The following IKZF3 variants were observed in gnomAD, a reference collection of about 807,000 sequenced individuals.
IKZF3 encodes the protein IKAROS family zinc finger 3, also known as zinc finger protein Aiolos.
A neutral mutation model predicts 49.0 loss-of-function variants in IKZF3; 10 were observed. That is an observed-to-expected ratio of 0.20 (90% confidence interval 0.13 to 0.35). The LOEUF (loss-of-function observed/expected upper bound fraction) is 0.35. Ranked by LOEUF, IKZF3 falls within the 10% of genes least tolerant of loss-of-function variation. The probability of loss-of-function intolerance (pLI) is 1.00; values close to 1 mark genes in which losing one functional copy is unlikely to be tolerated. For missense variants in IKZF3, 498 were observed against 664.8 expected (o/e 0.75, Z 2.76); for synonymous variants, 209 against 228.2 (o/e 0.92, Z 0.76).
chr17:39,844,270 T>C (rs539602776), intron 1 of IKZF3, among the ~76,000 whole-genome samples: 1 of 152,310 alleles, frequency 6.6e-6, no homozygotes, highest in Non-Finnish European at 1.5e-5. Flanking sequence ...TGTTTATACA[T>C]ATCTGGGGCA....
At chr17:39,791,695 T>C in intron 4 of IKZF3, 112 bp from the exon 5 acceptor site, 1 of 1,051,932 alleles carries the variant, frequency 9.5e-7, no homozygotes, top group East Asian at 2.4e-5. Context: ...CTGTTCACAT[T>C]GGGATCAGTT....
At chr17:39,800,798 C>T (rs757041435) in intron 3 of IKZF3, among the ~76,000 whole-genome samples, 1 of 152,162 alleles carries the variant, frequency 6.6e-6, no homozygotes, top group African/African-American at 2.4e-5. Context: ...TTTGGTTTCA[C>T]CTGAGACACT....
intron 2 of IKZF3, 99 bp downstream of exon 2, chr17:39,831,999 C>T: frequency 1.2e-6 from 1 of 840,864 alleles, no homozygotes; most frequent in South Asian, 1.6e-5. Flanking sequence ...ACACACATTT[C>T]CATAGCATTT....
chr17:39,812,880 C>T (rs2061593589), intron 3 of IKZF3, among the ~76,000 whole-genome samples: 1 of 151,994 alleles, frequency 6.6e-6, no homozygotes, highest in African/African-American at 2.4e-5. Context: ...GGGCAAATCA[C>T]GAGGTCAGGA....
intron 1 of IKZF3, among the ~76,000 whole-genome samples, chr17:39,860,250 T>TAA (rs5820305): frequency 7.9e-5 from 11 of 138,566 alleles, no homozygotes; most frequent in South Asian, 4.5e-4. Context: ...AAAATAATAA[T>TAA]AAAAAAAAAA....
chr17:39,850,467 A>C lies in IKZF3; in HGVS notation c.7+13653T>G, dbSNP rs992396163. Among the ~76,000 whole-genome samples the C allele has an allele frequency of 2.9e-4, 39 of 133,814 alleles. No homozygotes were observed. In the East Asian group the frequency reaches 4.2e-3, roughly 14 times the overall value. The allele number at this position is 133,814 out of a possible 152,430, so 87.8% of individuals were successfully genotyped here. On this transcript the variant is annotated intron_variant, in intron 1 of 7. Coordinates refer to ENST00000346872, the MANE Select transcript of IKZF3 (RefSeq NM_012481.5). Reference sequence around the variant, plus strand: ...AGTATAAATATATAGCATATTATACATGTACATATAATATATAGCATATTA... The same window carrying C: ...AGTATAAATATATAGCATATTATACCTGTACATATAATATATAGCATATTA...
At chr17:39,770,993 A>G (rs2060425400) in intron 7 of IKZF3, among the ~76,000 whole-genome samples, 1 of 152,084 alleles carries the variant, frequency 6.6e-6, no homozygotes, top group African/African-American at 2.4e-5. Context: ...ATACCTTTTA[A>G]GGTATGAATT....
At chr17:39,816,809 G>C (rs2061687006) in intron 3 of IKZF3, among the ~76,000 whole-genome samples, 1 of 152,206 alleles carries the variant, frequency 6.6e-6, no homozygotes, top group African/African-American at 2.4e-5. Flanking sequence ...TGCCTCCCAG[G>C]CTCAGAAGAT....
chr17:39,828,227 C>A (rs111247722), intron 3 of IKZF3, among the ~76,000 whole-genome samples: 3,741 of 152,266 alleles, frequency 0.025, 57 homozygotes, highest in South Asian at 0.067. Context: ...GTGCCTTTAC[C>A]CCATCTGGCA....
chr17:39,765,285 T>C lies in IKZF3; in HGVS notation c.*505A>G, dbSNP rs1033148774. 2 of 152,616 alleles carry C rather than the reference T, an allele frequency of 1.3e-5. No homozygotes were observed. Among genetic ancestry groups the C allele is most frequent in the African/African-American group, 4.8e-5 (2 of 41,446 alleles). The allele number at this position is 152,616 out of a possible 1,614,324, so 9.5% of individuals were successfully genotyped here. ...TCGTAACAGATACTTATTTTATGGC[T>C]GTTCTTTTACTTACTCTTAGACTGT... is the stretch of plus-strand genomic sequence containing the variant. On this transcript the variant is annotated 3_prime_UTR_variant, in exon 8 of 8. Coordinates refer to ENST00000346872, the MANE Select transcript of IKZF3 (RefSeq NM_012481.5).
intron 1 of IKZF3, among the ~76,000 whole-genome samples, chr17:39,842,399 C>G (rs546685504): frequency 1.8e-4 from 27 of 152,156 alleles, no homozygotes; most frequent in Non-Finnish European, 3.5e-4. Flanking sequence ...CATGGTGGCG[C>G]ATGCCTGTAG....
chr17:39,831,115 C>T (rs1384734964), intron 2 of IKZF3, among the ~76,000 whole-genome samples: 1 of 152,172 alleles, frequency 6.6e-6, no homozygotes, highest in African/African-American at 2.4e-5. Context: ...GGTGCGGTGG[C>T]TCATGCCTGT....
At chr17:39,794,662 A>G (rs931440558) in intron 3 of IKZF3, among the ~76,000 whole-genome samples, 2 of 152,184 alleles carry the variant, frequency 1.3e-5, no homozygotes, top group African/African-American at 4.8e-5. Context: ...TAAGTCCAAC[A>G]TGTTTCAAAT....
At chr17:39,863,169 T>C (rs2063261736) in intron 1 of IKZF3, among the ~76,000 whole-genome samples, 1 of 152,058 alleles carries the variant, frequency 6.6e-6, no homozygotes, top group Non-Finnish European at 1.5e-5. Context: ...ATGTTAAAAA[T>C]GCAAAATTTT....
At chr17:39,829,944 T>G (rs2062065794) in intron 2 of IKZF3, among the ~76,000 whole-genome samples, 1 of 151,374 alleles carries the variant, frequency 6.6e-6, no homozygotes, top group South Asian at 2.1e-4. Flanking sequence ...AGAGTGAGAC[T>G]TCGTCTCAAA....
intron 1 of IKZF3, among the ~76,000 whole-genome samples, chr17:39,856,577 G>A (rs543216046): frequency 8.5e-4 from 130 of 152,116 alleles, no homozygotes; most frequent in Non-Finnish European, 1.6e-3. Flanking sequence ...ATGCCAAGGC[G>A]GGCGGATCAT....
chr17:39,781,971 C>A (rs534701725), intron 6 of IKZF3, among the ~76,000 whole-genome samples: 2 of 152,264 alleles, frequency 1.3e-5, no homozygotes, highest in East Asian at 3.9e-4. Flanking sequence ...TGAAAGAAAT[C>A]CTCTGAAACG....
intron 6 of IKZF3, among the ~76,000 whole-genome samples, chr17:39,784,730 C>G (rs538997871): frequency 1.3e-5 from 2 of 152,254 alleles, no homozygotes; most frequent in South Asian, 4.1e-4. Flanking sequence ...AGTGTAGGGG[C>G]TTAACCTTAA....
intron 7 of IKZF3, among the ~76,000 whole-genome samples, chr17:39,774,101 T>C (rs1356375870): frequency 6.6e-6 from 1 of 152,206 alleles, no homozygotes; most frequent in Non-Finnish European, 1.5e-5. Context: ...CTCTAATGGA[T>C]GCAAAATGCT....
Sources: allele counts gnomAD v4.1 joint callset (sites outside exome capture counted in the v4.1 genomes callset), GRCh38; gene constraint gnomAD v4.1.1; transcripts MANE v1.5; gene names NCBI Gene and HGNC (gene_info 2026-07-23, HGNC 2026-07-21).